RYR2: variants seen among roughly 807,000 people sequenced by gnomAD.
RYR2 encodes the protein ryanodine receptor 2, also known as cardiac muscle ryanodine receptor-calcium release channel.
Under a neutral mutation model 601.1 loss-of-function variants are expected in RYR2, and 227 were observed. That is an observed-to-expected ratio of 0.38 (90% CI 0.34 to 0.42). The LOEUF is 0.42. Among genes scored for constraint, RYR2 ranks in the 10% least tolerant of loss-of-function variants. RYR2 has a pLI of 1.00. For synonymous variants in RYR2, 2,223 were observed against 2,175.1 expected, an observed-to-expected ratio of 1.02 and a Z score of -0.61; for missense variants, 4,646 against 6,156.5, an observed-to-expected ratio of 0.75 and a Z score of 8.21.
chr1:237,231,996 C>T (rs1685047254), intron 1 of RYR2, among the ~76,000 whole-genome samples: 1 of 152,156 alleles, frequency 6.6e-6, no homozygotes, highest in South Asian at 2.1e-4. Context: ...TATTCTTTAG[C>T]GTTTTTCTAG....
chr1:237,652,868 G>T (rs1048492812), intron 51 of RYR2, among the ~76,000 whole-genome samples: 3 of 152,074 alleles, frequency 2.0e-5, no homozygotes, highest in Admixed American at 6.6e-5. Context: ...AAATTGTGTG[G>T]ATGTATGTAT....
chr1:237,099,257 A>G (rs995099862), intron 1 of RYR2, among the ~76,000 whole-genome samples: 6 of 151,956 alleles, frequency 3.9e-5, no homozygotes, highest in African/African-American at 1.5e-4. Context: ...AAAATATTTG[A>G]GACAGGGTCT....
At chr1:237,055,636 A>T (rs896332708) in intron 1 of RYR2, among the ~76,000 whole-genome samples, 2 of 152,154 alleles carry the variant, frequency 1.3e-5, no homozygotes, top group African/African-American at 4.8e-5. Flanking sequence ...ATCAGGAGGA[A>T]GGGGAGGTTT....
chr1:237,339,907 AC>A (rs1289019067), intron 3 of RYR2, among the ~76,000 whole-genome samples: 1 of 152,262 alleles, frequency 6.6e-6, no homozygotes, highest in East Asian at 1.9e-4. Flanking sequence ...ATTGTCACAC[AC>A]CCATAGCTAA....
At chr1:237,428,963 G>A (rs1231989063) in intron 12 of RYR2, among the ~76,000 whole-genome samples, 2 of 151,986 alleles carry the variant, frequency 1.3e-5, no homozygotes, top group African/African-American at 4.8e-5. Context: ...ACCACTGAGG[G>A]CTTTATGGTG....
intron 2 of RYR2, among the ~76,000 whole-genome samples, chr1:237,329,667 T>C (rs376109893): frequency 6.6e-6 from 1 of 151,614 alleles, no homozygotes; most frequent in Non-Finnish European, 1.5e-5. Context: ...AATTAAAACA[T>C]ATATATGTTA....
At chr1:237,364,394 G>A in intron 5 of RYR2, 22 bp downstream of exon 5, 8 of 1,380,430 alleles carry the variant, frequency 5.8e-6, no homozygotes, top group Admixed American at 1.9e-5. Context: ...TAATATATAT[G>A]CTATGTATAT....
At chr1:237,475,116 G>C (rs1661256691) in intron 17 of RYR2, among the ~76,000 whole-genome samples, 2 of 152,102 alleles carry the variant, frequency 1.3e-5, no homozygotes, top group Non-Finnish European at 2.9e-5. Context: ...TATAGGTTAG[G>C]TAACATTATT....
intron 1 of RYR2, among the ~76,000 whole-genome samples, chr1:237,193,225 G>A (rs1278794974): frequency 1.4e-5 from 2 of 147,916 alleles, no homozygotes; most frequent in African/African-American, 5.0e-5. Flanking sequence ...CAGCACTTTG[G>A]GAGGCCGAGG....
At chr1:237,628,466 C>T (rs1018570682) in intron 41 of RYR2, among the ~76,000 whole-genome samples, 4 of 149,196 alleles carry the variant, frequency 2.7e-5, no homozygotes, top group African/African-American at 5.0e-5. Context: ...TGAGAATATG[C>T]GGTGTTTGGT....
chr1:237,425,236 T>G (rs548389423), intron 12 of RYR2, among the ~76,000 whole-genome samples: 1 of 152,336 alleles, frequency 6.6e-6, no homozygotes, highest in African/African-American at 2.4e-5. Context: ...AACGTTTTGA[T>G]GAATTTCCTT....
intron 27 of RYR2, among the ~76,000 whole-genome samples, chr1:237,564,987 T>C (rs1671820615): frequency 6.6e-6 from 1 of 152,228 alleles, no homozygotes; most frequent in Non-Finnish European, 1.5e-5. Flanking sequence ...ATTTTTATAG[T>C]TCTAATTTGA....
intron 15 of RYR2, among the ~76,000 whole-genome samples, chr1:237,454,995 T>C (rs1455190372): frequency 6.6e-6 from 1 of 152,118 alleles, no homozygotes; most frequent in Non-Finnish European, 1.5e-5. Flanking sequence ...GGAAGCTTCG[T>C]GTTGGGGATG....
intron 10 of RYR2, among the ~76,000 whole-genome samples, chr1:237,399,436 A>C (rs534341633): frequency 6.6e-6 from 1 of 152,218 alleles, no homozygotes; most frequent in South Asian, 2.1e-4. Context: ...ACTTGAAGGA[A>C]CTTTGTGGCG....
At chr1:237,748,558 T>A (rs148800873) in intron 80 of RYR2, among the ~76,000 whole-genome samples, 16 of 152,218 alleles carry the variant, frequency 1.1e-4, no homozygotes, top group African/African-American at 3.4e-4. Context: ...GTACACTGTG[T>A]GGGGGCAGTC....
chr1:237,337,465 A>T (rs1439713184), intron 3 of RYR2, among the ~76,000 whole-genome samples: 1 of 152,212 alleles, frequency 6.6e-6, no homozygotes, highest in Non-Finnish European at 1.5e-5. Context: ...TCTGTGTATT[A>T]TCTCATAGTG....
In RYR2 at chr1:237,625,657, C is replaced by T; in HGVS notation, c.6023-4C>T. The T allele has an allele frequency of 6.2e-7, 1 of 1,606,210 alleles. No individual in the cohort carries two copies. Among genetic ancestry groups the T allele is most frequent in the Non-Finnish European group, 8.5e-7 (1 of 1,177,028 alleles). ...TTTTCTGCCTCTCTGTTTTTTTATA[C>T]TAGGAATTGAGCTGGATGAAGATGG... On this transcript the variant is annotated splice_region_variant and splice_polypyrimidine_tract_variant and intron_variant, in intron 39 of 104. Coordinates refer to ENST00000366574, the MANE Select transcript of RYR2 (RefSeq NM_001035.3).
At position 237,358,022 on chromosome 1, in the gene RYR2, A is replaced by T. The variant is rs559106527; in HGVS notation, c.294+2037A>T. ...CATGTCTTATGCTTTGGCCATTAGA[A>T]GTTTGAAATTCTACTGTTACAGGTA... On this transcript the variant is annotated intron_variant, in intron 4 of 104. Coordinates refer to ENST00000366574, the MANE Select transcript of RYR2 (RefSeq NM_001035.3). Among the ~76,000 whole-genome samples, 95 of 152,258 alleles carry T rather than the reference A, an allele frequency of 6.2e-4. No individual in the cohort carries two copies. In the Middle Eastern group the frequency reaches 0.01, roughly 16 times the overall value.
chr1:237,772,724 C>T (rs572009004), intron 86 of RYR2, among the ~76,000 whole-genome samples: 1 of 152,004 alleles, frequency 6.6e-6, no homozygotes, highest in African/African-American at 2.4e-5. Flanking sequence ...TGCAGACTTT[C>T]AGCTTTTTCC....
Sources: gnomAD v4.1 joint callset for allele counts (sites outside exome capture counted in the v4.1 genomes callset) on GRCh38, gnomAD v4.1.1 for gene constraint, MANE v1.5 for transcripts, NCBI Gene and HGNC (gene_info 2026-07-23, HGNC 2026-07-21) for gene names.